The following HOXD8 variants were observed in gnomAD, a reference collection of about 807,000 sequenced individuals.
HOXD8 encodes homeobox protein Hox-D8.
Under a neutral mutation model 25.4 loss-of-function variants are expected in HOXD8, and 17 were observed. The ratio of observed to expected loss-of-function variants is 0.67; its 90% CI spans 0.46 to 1.00. The LOEUF is 1.00. Among genes scored for constraint, HOXD8 ranks in the 50% least tolerant of loss-of-function variants. HOXD8 has a pLI of 0.00. For synonymous variants in HOXD8, 203 were observed against 175.3 expected (o/e 1.16, Z -1.25); for missense variants, 511 against 398.5 (o/e 1.28, Z -2.40).
chr2:176,131,191 A>G (rs1690103234), intron 1 of HOXD8, 126 bp from the exon 2 acceptor site: 13 of 768,258 alleles, frequency 1.7e-5, no homozygotes, highest in African/African-American at 1.7e-5. Flanking sequence ...TATATATCGG[A>G]GCTAAAGAGC....
rs1690064420 is a variant in HOXD8, at chr2:176,130,476, C to G, written c.110C>G (p.Ala37Gly). The G allele has an allele frequency of 6.7e-7, 1 of 1,491,790 alleles. No homozygotes were observed. Among genetic ancestry groups the G allele is most frequent in the Non-Finnish European group, 8.9e-7 (1 of 1,127,304 alleles). 92.4% of individuals were successfully genotyped at this position (1,491,790 alleles called of 1,614,324 possible). The change falls in exon 1 of 2, where the codon GCG (alanine) becomes GGG (glycine). Residue 37 changes from alanine to glycine, a missense_variant. Transcript: ENST00000313173. ...INPTYYDCHF[A>G]PEVGGRHAAA... The stretch of plus-strand genomic sequence containing the variant: ...CCCACTTACTACGACTGTCACTTCG[C>G]GCCCGAGGTCGGCGGCCGTCACGCC...
rs1242515827 is a variant in HOXD8, at chr2:176,132,391, GT to G, written c.*783del. The stretch of plus-strand genomic sequence containing the variant: ...GCGTCTCATTTTTTAACTTGCTTTC[GT>G]TTTGAACCGCCCTTGTAATCGCCTG... On this transcript the variant is annotated 3_prime_UTR_variant, in exon 2 of 2. Transcript: ENST00000313173. The G allele has an allele frequency of 6.6e-6, 1 of 152,140 alleles. No homozygotes were observed. Among genetic ancestry groups the G allele is most frequent in the East Asian group, 1.9e-4 (1 of 5,206 alleles). 9.4% of individuals were successfully genotyped at this position (152,140 alleles called of 1,614,324 possible).
Position 176,131,296 on chromosome 2 carries a change from CT to C in HOXD8, c.578-12del, listed in dbSNP as rs111789488. 351 of 1,483,824 alleles carry C rather than the reference CT, an allele frequency of 2.4e-4. No homozygotes were observed. Among genetic ancestry groups the C allele is most frequent in the East Asian group, 4.7e-4 (20 of 42,396 alleles). The allele number at this position is 1,483,824 out of a possible 1,614,324, so 91.9% of individuals were successfully genotyped here. ...TTTTTAAAACTTTTATTCCCCCCCC[CT>C]TTTTTTTTGTTTTAATCAGCAGCTC... On this transcript the variant is annotated intron_variant, in intron 1 of 1. Coordinates refer to ENST00000313173, the MANE Select transcript of HOXD8 (RefSeq NM_019558.4).
rs1690115326 is a variant in HOXD8, at chr2:176,131,557, C to T, written c.818C>T (p.Thr273Met). ...VSRQEVKDGE[T>M]KKEAQELEED... Reference sequence around the variant, plus strand: ...CGGCAGGAGGTGAAGGACGGGGAAACGAAAAAGGAAGCCCAAGAGCTGGAG... The same window carrying T: ...CGGCAGGAGGTGAAGGACGGGGAAATGAAAAAGGAAGCCCAAGAGCTGGAG... The change falls in exon 2 of 2, where the codon ACG becomes ATG. Residue 273 changes from threonine to methionine, a missense_variant. Transcript: ENST00000313173. The T allele has an allele frequency of 1.2e-6, 2 of 1,610,256 alleles. No homozygotes were observed. The highest frequency in any genetic ancestry group is 8.5e-7 in the Non-Finnish European group (1 of 1,178,788).
rs1690096021 is a variant in HOXD8, at chr2:176,131,001, C to G, written c.577+58C>G. ...GGGGGAGAAATCTGCTTTCATCTCA[C>G]GTTCTGGCTTTAAAACTCCCGTTCC... On this transcript the variant is annotated intron_variant, in intron 1 of 1. Transcript: ENST00000313173. 5 of 1,184,064 alleles carry G rather than the reference C, an allele frequency of 4.2e-6. No homozygotes were observed. The South Asian group carries it at 6.1e-5, about 15-fold the overall frequency. The allele number at this position is 1,184,064 out of a possible 1,614,324, so 73.3% of individuals were successfully genotyped here.
At position 176,131,089 on chromosome 2, in the gene HOXD8, C is replaced by CT. The variant is rs112786573; in HGVS notation, c.577+153dup. 1.5e-4 allele frequency: 103 copies of CT among 689,566 alleles called. 1 individual carries two copies. The highest frequency in any genetic ancestry group is 6.5e-4 in the African/African-American group (36 of 55,342). The allele number at this position is 689,566 out of a possible 1,614,324, so 42.7% of individuals were successfully genotyped here. A position where few individuals can be genotyped will look rare whatever the true frequency, so the allele number is the denominator to read the frequency against. On this transcript the variant is annotated intron_variant, in intron 1 of 1. Transcript: ENST00000313173. ...GCTCTTATTCATAAAGTAATACAGA[C>CT]TTTTTTTAAAAAAGTAGGAACCATG...
chr2:176,131,529 T>C lies in HOXD8; in HGVS notation c.790T>C (p.Ser264Pro). Reference protein sequence around the residue: ...KENNKDKFPVSRQEVKDGETK... With the variant: ...KENNKDKFPVPRQEVKDGETK... ...AAACAACAAGGACAAATTTCCCGTT[T>C]CCCGGCAGGAGGTGAAGGACGGGGA... Residue 264 changes from serine (S) to proline (P), a missense_variant, in exon 2 of 2, where the codon TCC (serine) becomes CCC (proline). Ser to Pro is a moderately conservative substitution (Grantham distance 74). Transcript: ENST00000313173. 2 of 1,613,462 alleles carry C rather than the reference T, an allele frequency of 1.2e-6. No individual in the cohort carries two copies. The highest frequency in any genetic ancestry group is 1.7e-6 in the Non-Finnish European group (2 of 1,179,918).
In HOXD8 at chr2:176,130,335, G is replaced by T. The variant is rs533024493; in HGVS notation, c.-32G>T. 6.1e-3 allele frequency: 8,398 copies of T among 1,366,800 alleles called. 39 individuals are homozygous for T. Among genetic ancestry groups the T allele is most frequent in the Non-Finnish European group, 7.1e-3 (7,561 of 1,066,908 alleles). The allele number at this position is 1,366,800 out of a possible 1,614,324, so 84.7% of individuals were successfully genotyped here. On this transcript the variant is annotated 5_prime_UTR_variant, in exon 1 of 2. Transcript: ENST00000313173. ...GCTCTCTGGCTGCTTAGCGCCGCCC[G>T]CCCGCCCGGGGCCGCCGCCGCTGAC...
chr2:176,129,885 C>T lies in HOXD8; in HGVS notation c.-482C>T, dbSNP rs1282255102. 5 of 255,866 alleles carry T rather than the reference C, an allele frequency of 2.0e-5. No homozygotes were observed. Among genetic ancestry groups the T allele is most frequent in the South Asian group, 3.7e-5 (1 of 26,852 alleles). 15.8% of individuals were successfully genotyped at this position (255,866 alleles called of 1,614,324 possible). ...GGCAGAGGGTGTTTTTTTTCTTTTC[C>T]CTCCAGAGCCGGGGTTTGTAAACCG... On this transcript the variant is annotated 5_prime_UTR_variant, in exon 1 of 2. Coordinates refer to ENST00000313173, the MANE Select transcript of HOXD8 (RefSeq NM_019558.4).
rs1293508396 is a variant in HOXD8, at chr2:176,129,937, C to A, written c.-430C>A. ...GGCCAGAGTGTCCCCGTGGGCCGAG[C>A]GCACTTTTTTCTTGTCCGGGTGCGC... is the stretch of plus-strand genomic sequence containing the variant. On this transcript the variant is annotated 5_prime_UTR_variant, in exon 1 of 2. Coordinates refer to ENST00000313173, the MANE Select transcript of HOXD8 (RefSeq NM_019558.4). 13 of 166,630 alleles carry A rather than the reference C, an allele frequency of 7.8e-5. No individual in the cohort carries two copies. Among genetic ancestry groups the A allele is most frequent in the Non-Finnish European group, 1.4e-4 (11 of 77,710 alleles). The allele number at this position is 166,630 out of a possible 1,614,324, so 10.3% of individuals were successfully genotyped here. A position where few individuals can be genotyped will look rare whatever the true frequency, so the allele number is the denominator to read the frequency against.
chr2:176,131,583 G>A lies in HOXD8; in HGVS notation c.844G>A (p.Glu282Lys), dbSNP rs1238162651. 2 of 1,603,140 alleles carry A rather than the reference G, an allele frequency of 1.2e-6. No homozygotes were observed. Among genetic ancestry groups the A allele is most frequent in the East Asian group, 2.2e-5 (1 of 44,824 alleles). The change falls in exon 2 of 2, where the codon GAA becomes AAA. Residue 282 changes from glutamate to lysine, a missense_variant. By Grantham distance (56) the Glu-to-Lys change is moderately conservative. Coordinates refer to ENST00000313173, the MANE Select transcript of HOXD8 (RefSeq NM_019558.4). The part of the protein sequence containing the change: ...ETKKEAQELE[E>K]DRAEGLTN Reference sequence around the variant, plus strand: ...GAAAAAGGAAGCCCAAGAGCTGGAGGAAGACAGAGCCGAAGGCCTGACAAA... The same window carrying A: ...GAAAAAGGAAGCCCAAGAGCTGGAGAAAGACAGAGCCGAAGGCCTGACAAA...
In HOXD8 at chr2:176,130,233, C is replaced by T. The variant is rs1200452653; in HGVS notation, c.-134C>T. 13 of 416,328 alleles carry T rather than the reference C, an allele frequency of 3.1e-5. No individual in the cohort carries two copies. Among genetic ancestry groups the T allele is most frequent in the Admixed American group, 2.9e-4 (6 of 20,486 alleles). The allele number at this position is 416,328 out of a possible 1,614,324, so 25.8% of individuals were successfully genotyped here. Reference sequence around the variant, plus strand: ...CGCGAGCGCGGGCGGGCGGCAGCAGCGACGTAGCCCGGCGGTCCCGGCGGC... The same window carrying T: ...CGCGAGCGCGGGCGGGCGGCAGCAGTGACGTAGCCCGGCGGTCCCGGCGGC... On this transcript the variant is annotated 5_prime_UTR_variant, in exon 1 of 2. Transcript: ENST00000313173.
chr2:176,131,174 CTA>C (rs3835104), intron 1 of HOXD8, 141 bp from the exon 2 acceptor site: 199 of 611,372 alleles, frequency 3.3e-4, no homozygotes, highest in South Asian at 4.9e-4. Context: ...CCTGCACACC[CTA>C]TATATATATA....
In HOXD8 at chr2:176,131,508, A is replaced by C. The variant is rs749762642; in HGVS notation, c.769A>C (p.Asn257His). Residue 257 changes from asparagine (N) to histidine (H), a missense_variant, in exon 2 of 2, where the codon AAC becomes CAC. By Grantham distance (68) the Asn-to-His change is moderately conservative (BLOSUM62 1). Coordinates refer to ENST00000313173, the MANE Select transcript of HOXD8 (RefSeq NM_019558.4). The stretch of plus-strand genomic sequence containing the variant: ...GAGAATGAAATGGAAAAAGGAAAAC[A>C]ACAAGGACAAATTTCCCGTTTCCCG... Reference protein sequence around the residue: ...NRRMKWKKENNKDKFPVSRQE... With the variant: ...NRRMKWKKENHKDKFPVSRQE... The C allele has an allele frequency of 1.2e-6, 2 of 1,613,882 alleles. No homozygotes were observed. The highest frequency in any genetic ancestry group is 1.7e-6 in the Non-Finnish European group (2 of 1,179,928).
rs1690039959 is a variant in HOXD8 at position 176,129,854 on chromosome 2, G to A, written c.-513G>A. On this transcript the variant is annotated 5_prime_UTR_variant, in exon 1 of 2. Transcript: ENST00000313173. ...CGCGGGGGGGGCGCGGTAAGAGGTG[G>A]CGGCGGGCAGAGGGTGTTTTTTTTC... is the stretch of plus-strand genomic sequence containing the variant. 3.8e-6 allele frequency: 1 copy of A among 266,292 alleles called. No individual in the cohort carries two copies. The highest frequency in any genetic ancestry group is 7.4e-6 in the Non-Finnish European group (1 of 135,166). 16.5% of individuals were successfully genotyped at this position (266,292 alleles called of 1,614,324 possible).
In HOXD8 at chr2:176,130,157, A is replaced by ATGAGCGCCCAGTAGC. The variant is rs1156979576; in HGVS notation, c.-200_-186dup. ...GAGGCGGCGGGCGCAAGAGCCGGGC[A>ATGAGCGCCCAGTAGC]TGAGCGCCCAGTAGCTGAGCGCCCG... On this transcript the variant is annotated 5_prime_UTR_variant, in exon 1 of 2. Coordinates refer to ENST00000313173, the MANE Select transcript of HOXD8 (RefSeq NM_019558.4). 1 of 207,056 alleles carries ATGAGCGCCCAGTAGC rather than the reference A, an allele frequency of 4.8e-6. No individual in the cohort carries two copies. The highest frequency in any genetic ancestry group is 1.1e-4 in the East Asian group (1 of 8,858). 12.8% of individuals were successfully genotyped at this position (207,056 alleles called of 1,614,324 possible).
At position 176,130,417 on chromosome 2, in the gene HOXD8, T is replaced by C; in HGVS notation, c.51T>C (p.Ala17=). The C allele has an allele frequency of 6.8e-7, 1 of 1,475,488 alleles. No homozygotes were observed. Among genetic ancestry groups the C allele is most frequent in the Admixed American group, 2.3e-5 (1 of 43,314 alleles). 91.4% of individuals were successfully genotyped at this position (1,475,488 alleles called of 1,614,324 possible). A position where few individuals can be genotyped will look rare whatever the true frequency, so the allele number is the denominator to read the frequency against. The part of the protein sequence containing the change: ...NPLYSKYKAA[A]AAAAAAGEAI... ...TGTACTCCAAGTACAAGGCGGCGGCTGCGGCGGCGGCGGCGGCGGGCGAGG... is the reference window on the plus strand; with the variant it reads ...TGTACTCCAAGTACAAGGCGGCGGCCGCGGCGGCGGCGGCGGCGGGCGAGG... The change falls in exon 1 of 2, where the codon GCT becomes GCC. Residue 17 remains alanine, a synonymous_variant. Transcript: ENST00000313173.
rs1266669189 is a variant in HOXD8 at position 176,130,538 on chromosome 2, G to A, written c.172G>A (p.Ala58Thr). ...AAALQLYGNS[A>T]AGFPHAPPQA... ...AGCCCTGCAGCTCTATGGCAACAGCGCCGCCGGCTTCCCGCACGCGCCCCC... is the reference window on the plus strand; with the variant it reads ...AGCCCTGCAGCTCTATGGCAACAGCACCGCCGGCTTCCCGCACGCGCCCCC... Residue 58 changes from alanine to threonine, a missense_variant, in exon 1 of 2, where the codon GCC (alanine) becomes ACC (threonine). Coordinates refer to ENST00000313173, the MANE Select transcript of HOXD8 (RefSeq NM_019558.4). 3 of 1,473,040 alleles carry A rather than the reference G, an allele frequency of 2.0e-6. No homozygotes were observed. Among genetic ancestry groups the A allele is most frequent in the African/African-American group, 1.5e-5 (1 of 67,560 alleles). The allele number at this position is 1,473,040 out of a possible 1,614,324, so 91.2% of individuals were successfully genotyped here.
intron 1 of HOXD8, 76 bp from the exon 2 acceptor site, chr2:176,131,241 C>A: frequency 7.1e-7 from 1 of 1,418,374 alleles, no homozygotes; most frequent in Non-Finnish European, 9.6e-7. Context: ...GTTCCACAAA[C>A]CTCCAGCAAC....
Sources: gnomAD v4.1 joint callset for allele counts on GRCh38, gnomAD v4.1.1 for gene constraint, MANE v1.5 for transcripts, NCBI Gene and HGNC (gene_info 2026-07-23, HGNC 2026-07-21) for gene names.